The following SLCO6A1 variants were observed in gnomAD, a reference collection of about 807,000 sequenced individuals.
SLCO6A1 encodes solute carrier organic anion transporter family member 6A1.
In SLCO6A1, 65 loss-of-function variants were observed where a neutral mutation model predicts 72.7. The observed-to-expected ratio is 0.89, with a 90% CI of 0.73 to 1.10. The LOEUF (loss-of-function observed/expected upper bound fraction) is 1.10, where lower values mean the gene tolerates loss of function less well. SLCO6A1 is among the 50% of genes least tolerant of loss of function. SLCO6A1 has a pLI of 0.00. For synonymous variants in SLCO6A1, 314 were observed against 298.2 expected (o/e 1.05, Z -0.55); for missense variants, 874 against 872.6 (o/e 1.00, Z -0.02).
At chr5:102,490,597 C>CGGCATG (rs1324138047) in intron 1 of SLCO6A1, among the ~76,000 whole-genome samples, 5 of 152,052 alleles carry the variant, frequency 3.3e-5, no homozygotes, top group Non-Finnish European at 5.9e-5. Context: ...TTCTTAAAGG[C>CGGCATG]GGCATGTCTG....
chr5:102,480,510 T>A, intron 1 of SLCO6A1, 76 bp from the exon 2 acceptor site: 3 of 1,327,934 alleles, frequency 2.3e-6, no homozygotes, highest in Non-Finnish European at 3.1e-6. Flanking sequence ...AAAGCAAAAT[T>A]TAAATTACAT....
At chr5:102,391,767 T>C (rs1031304560) in intron 10 of SLCO6A1, among the ~76,000 whole-genome samples, 4 of 152,156 alleles carry the variant, frequency 2.6e-5, no homozygotes, top group African/African-American at 7.2e-5. Flanking sequence ...TGTTCTAATT[T>C]GAGGGTGCCC....
At chr5:102,379,105 T>C (rs1745974090) in intron 12 of SLCO6A1, among the ~76,000 whole-genome samples, 1 of 152,124 alleles carries the variant, frequency 6.6e-6, no homozygotes, top group African/African-American at 2.4e-5. Context: ...GGGTATTTGA[T>C]ATCTACTTTT....
At chr5:102,414,352 T>C (rs1351367182) in intron 8 of SLCO6A1, among the ~76,000 whole-genome samples, 2 of 152,166 alleles carry the variant, frequency 1.3e-5, no homozygotes, top group African/African-American at 4.8e-5. Flanking sequence ...TTAGCAGTCC[T>C]ATTCAAAATA....
chr5:102,427,603 C>T (rs1029363802), intron 7 of SLCO6A1, among the ~76,000 whole-genome samples: 4 of 151,726 alleles, frequency 2.6e-5, no homozygotes, highest in East Asian at 1.9e-4. Context: ...GCCAAGAGAA[C>T]TTCAAAGAGA....
At chr5:102,425,146 A>C (rs182620385) in intron 7 of SLCO6A1, among the ~76,000 whole-genome samples, 3 of 152,208 alleles carry the variant, frequency 2.0e-5, no homozygotes, top group Admixed American at 6.5e-5. Context: ...ATTTATGATA[A>C]ACCCACAGCT....
intron 7 of SLCO6A1, among the ~76,000 whole-genome samples, chr5:102,437,670 G>A (rs1749617537): frequency 6.6e-6 from 1 of 152,060 alleles, no homozygotes. Flanking sequence ...TATAAAAAAT[G>A]TACTCCATAA....
chr5:102,467,022 C>T (rs1208076043), intron 4 of SLCO6A1, among the ~76,000 whole-genome samples: 3 of 151,932 alleles, frequency 2.0e-5, no homozygotes, highest in Admixed American at 1.3e-4. Context: ...TTAGTTTAAT[C>T]AGATCTCAAT....
chr5:102,398,417 A>T (rs1747218179), intron 10 of SLCO6A1, among the ~76,000 whole-genome samples: 2 of 152,034 alleles, frequency 1.3e-5, no homozygotes, highest in Non-Finnish European at 2.9e-5. Context: ...ACCTCAAGTG[A>T]TCCATCCGCA....
chr5:102,415,813 C>T (rs1333814723), intron 8 of SLCO6A1, among the ~76,000 whole-genome samples: 4 of 151,982 alleles, frequency 2.6e-5, no homozygotes, highest in Non-Finnish European at 4.4e-5. Context: ...ATCCATCCAA[C>T]GAAGACTAAT....
intron 13 of SLCO6A1, among the ~76,000 whole-genome samples, chr5:102,372,362 T>C (rs1336526509): frequency 1.3e-5 from 2 of 152,084 alleles, no homozygotes; most frequent in South Asian, 2.1e-4. Flanking sequence ...AGAAATTTTG[T>C]CAGCTATTAT....
At chr5:102,490,714 T>C (rs755945363) in intron 1 of SLCO6A1, among the ~76,000 whole-genome samples, 1 of 152,180 alleles carries the variant, frequency 6.6e-6, no homozygotes, top group African/African-American at 2.4e-5. Context: ...TGGTGAGTGT[T>C]ACAGCTCTTC....
intron 7 of SLCO6A1, among the ~76,000 whole-genome samples, chr5:102,427,877 T>C (rs1432447430): frequency 7.3e-6 from 1 of 137,222 alleles, no homozygotes; most frequent in African/African-American, 2.7e-5. Context: ...TTTTTTTTTT[T>C]TTTTTTTTTT....
Position 102,487,295 on chromosome 5 carries a change from T to C in SLCO6A1, c.359-6861A>G, listed in dbSNP as rs150937965. ...TAATATCACTATGGCCTTTGATAAA[T>C]AGTAAATGTAAACAATGTACAAGTC... On this transcript the variant is annotated intron_variant, in intron 1 of 13. Transcript: ENST00000506729. Among the ~76,000 whole-genome samples the C allele has an allele frequency of 9.0e-3, 1,372 of 152,312 alleles. 19 individuals are homozygous for C. The highest frequency in any genetic ancestry group is 0.031 in the African/African-American group (1,281 of 41,570).
At chr5:102,395,615 C>A (rs1160882536) in intron 10 of SLCO6A1, among the ~76,000 whole-genome samples, 1 of 152,116 alleles carries the variant, frequency 6.6e-6, no homozygotes, top group African/African-American at 2.4e-5. Flanking sequence ...GGAATCGCCA[C>A]ACTGACTTCC....
intron 9 of SLCO6A1, among the ~76,000 whole-genome samples, chr5:102,409,256 T>C (rs943386688): frequency 1.3e-5 from 2 of 152,144 alleles, no homozygotes; most frequent in Non-Finnish European, 2.9e-5. Context: ...GGTATAGTAT[T>C]TCCTACTACT....
chr5:102,441,131 C>T (rs17273466), intron 6 of SLCO6A1, among the ~76,000 whole-genome samples: 83,580 of 151,976 alleles, frequency 0.55, 24,196 homozygotes, highest in Non-Finnish European at 0.63. Context: ...CCATAAAGTT[C>T]GAATTCATAT....
At chr5:102,405,509 A>AT (rs1430381484) in intron 9 of SLCO6A1, among the ~76,000 whole-genome samples, 2 of 152,108 alleles carry the variant, frequency 1.3e-5, no homozygotes, top group Non-Finnish European at 2.9e-5. Context: ...TGGATGCTGG[A>AT]ATACAGAGAA....
At chr5:102,475,651 A>G (rs1751855759) in intron 4 of SLCO6A1, 46 bp downstream of exon 4, 12 of 1,233,742 alleles carry the variant, frequency 9.7e-6, no homozygotes, top group Non-Finnish European at 1.4e-5. Flanking sequence ...CTATTTAGTA[A>G]GTATTTTATA....
Sources: gnomAD v4.1 joint callset for allele counts (sites outside exome capture counted in the v4.1 genomes callset) on GRCh38, gnomAD v4.1.1 for gene constraint, MANE v1.5 for transcripts, NCBI Gene and HGNC (gene_info 2026-07-23, HGNC 2026-07-21) for gene names.